The following CLVS1 variants were observed in gnomAD, a reference collection of about 807,000 sequenced individuals.
The protein encoded by CLVS1 is clavesin 1, also known as clavesin-1.
CLVS1 carries 10 observed loss-of-function variants against 33.1 expected under a neutral mutation model. That is an observed-to-expected ratio of 0.30 (90% CI 0.19 to 0.51). The LOEUF (loss-of-function observed/expected upper bound fraction) is 0.51. Ranked by LOEUF, CLVS1 falls within the 20% of genes least tolerant of loss-of-function variation. CLVS1 has a pLI of 0.97. For missense variants in CLVS1, 343 were observed against 433.4 expected, an observed-to-expected ratio of 0.79 and a Z score of 1.85; for synonymous variants, 163 against 166.1, an observed-to-expected ratio of 0.98 and a Z score of 0.14.
chr8:61,066,489 C>A (rs1173423056), intron 1 of CLVS1, among the ~76,000 whole-genome samples: 2 of 152,058 alleles, frequency 1.3e-5, no homozygotes, highest in African/African-American at 2.4e-5. Context: ...CTGGGCAAGA[C>A]CCTGTCTCAA....
intron 2 of CLVS1, among the ~76,000 whole-genome samples, chr8:61,170,781 T>A (rs556622230): frequency 6.6e-6 from 1 of 152,316 alleles, no homozygotes; most frequent in East Asian, 1.9e-4. Context: ...ATTAAAAGCA[T>A]CATAGCATGA....
At chr8:61,045,104 C>A in the CLVS1 span, among the ~76,000 whole-genome samples, 1 of 152,210 alleles carries the variant, frequency 6.6e-6, no homozygotes, top group Admixed American at 6.5e-5. Context: ...ATGAGCCCAG[C>A]AGCAAGAACT....
chr8:61,470,765 C>A (rs1817707468), intron 5 of CLVS1, among the ~76,000 whole-genome samples: 2 of 152,160 alleles, frequency 1.3e-5, no homozygotes, highest in South Asian at 2.1e-4. Context: ...AGCTTGCATA[C>A]CATGGTTGAA....
rs1810732569 is a variant in CLVS1 at position 61,308,891 on chromosome 8, T to G, written c.455+8609T>G. 3.9e-5 allele frequency among the ~76,000 whole-genome samples: 6 copies of G among 152,346 alleles called. No individual in the cohort carries two copies. The South Asian group carries it at 1.2e-3, about 32-fold the overall frequency. ...ATGCTTTCCCACTAAGTCCTACTTA[T>G]GATCTCATTCCGACCCTGCACTCAG... On this transcript the variant is annotated intron_variant, in intron 2 of 5. Coordinates refer to ENST00000325897, the MANE Select transcript of CLVS1 (RefSeq NM_173519.3).
At chr8:61,178,737 C>T (rs372065803) in intron 2 of CLVS1, among the ~76,000 whole-genome samples, 15 of 152,138 alleles carry the variant, frequency 9.9e-5, no homozygotes, top group East Asian at 1.9e-4. Context: ...ATTTCATATC[C>T]GGACAAACTA....
At chr8:61,178,792 T>C (rs775902750) in intron 2 of CLVS1, among the ~76,000 whole-genome samples, 21 of 151,998 alleles carry the variant, frequency 1.4e-4, no homozygotes, top group Non-Finnish European at 2.2e-4. Context: ...GACAAGCAAA[T>C]GCTGAGGGAT....
At chr8:61,019,224 A>G in the CLVS1 span, among the ~76,000 whole-genome samples, 1 of 152,214 alleles carries the variant, frequency 6.6e-6, no homozygotes, top group African/African-American at 2.4e-5. Context: ...CTCCCATCGT[A>G]AAGATTCAGG....
intron 1 of CLVS1, among the ~76,000 whole-genome samples, chr8:61,119,945 C>T (rs1238784402): frequency 2.8e-5 from 4 of 140,930 alleles, no homozygotes; most frequent in African/African-American, 5.5e-5. Context: ...GGAAGTTCTC[C>T]TGGATAATAT....
At chr8:61,422,459 A>G (rs10216566) in intron 3 of CLVS1, among the ~76,000 whole-genome samples, 3,656 of 152,332 alleles carry the variant, frequency 0.024, 158 homozygotes, top group African/African-American at 0.084. Flanking sequence ...GTCCGTGCAC[A>G]AAGAAGAGAA....
chr8:60,976,233 A>G, the CLVS1 span, among the ~76,000 whole-genome samples: 1 of 152,198 alleles, frequency 6.6e-6, no homozygotes, highest in Non-Finnish European at 1.5e-5. Context: ...GGGTTGTTTA[A>G]TCCCTGATGA....
intron 2 of CLVS1, among the ~76,000 whole-genome samples, chr8:61,349,865 G>GTT (rs1210474857): frequency 6.6e-6 from 1 of 152,090 alleles, no homozygotes; most frequent in Non-Finnish European, 1.5e-5. Flanking sequence ...CAAACACAGT[G>GTT]TAAGTGTGCA....
At chr8:61,481,423 G>A (rs1159116672) in intron 5 of CLVS1, among the ~76,000 whole-genome samples, 1 of 152,186 alleles carries the variant, frequency 6.6e-6, no homozygotes, top group Non-Finnish European at 1.5e-5. Flanking sequence ...GGAAGCGCAA[G>A]GGGTCAGAGG....
intron 1 of CLVS1, among the ~76,000 whole-genome samples, chr8:61,058,641 A>G (rs1804523302): frequency 6.6e-6 from 1 of 152,176 alleles, no homozygotes; most frequent in South Asian, 2.1e-4. Flanking sequence ...TACTGTCAAG[A>G]TAGTGAATAT....
At chr8:61,075,022 C>T (rs1032133623) in intron 1 of CLVS1, among the ~76,000 whole-genome samples, 2 of 152,018 alleles carry the variant, frequency 1.3e-5, no homozygotes, top group African/African-American at 2.4e-5. Flanking sequence ...TCCTGTTGTT[C>T]AGGCGGGCAT....
At chr8:61,268,022 T>TA (rs111565352) in intron 2 of CLVS1, among the ~76,000 whole-genome samples, 39 of 151,792 alleles carry the variant, frequency 2.6e-4, no homozygotes, top group African/African-American at 7.0e-4. Flanking sequence ...CTTTTTTTTT[T>TA]ATTTTTATTA....
intron 2 of CLVS1, among the ~76,000 whole-genome samples, chr8:61,251,767 T>C (rs1374952584): frequency 1.3e-5 from 2 of 152,192 alleles, no homozygotes; most frequent in Non-Finnish European, 1.5e-5. Context: ...ATATCCCCTA[T>C]ATAATTTTTT....
chr8:61,185,143 G>GCTTTTTTTT (rs376138569), intron 2 of CLVS1, among the ~76,000 whole-genome samples: 2 of 143,764 alleles, frequency 1.4e-5, no homozygotes. Flanking sequence ...AGAGAGTATA[G>GCTTTTTTTT]TTTTTGTTTT....
intron 1 of CLVS1, among the ~76,000 whole-genome samples, chr8:61,105,653 A>G (rs1805520141): frequency 6.6e-6 from 1 of 152,222 alleles, no homozygotes; most frequent in African/African-American, 2.4e-5. Flanking sequence ...TCATTTGTAA[A>G]TAAGTAAATT....
chr8:61,009,515 ACTTG>A, the CLVS1 span, among the ~76,000 whole-genome samples: 1 of 141,018 alleles, frequency 7.1e-6, no homozygotes, highest in Non-Finnish European at 1.5e-5. Context: ...GTTTATATAT[ACTTG>A]CTTATTAATG....
Sources: allele counts gnomAD v4.1 joint callset (sites outside exome capture counted in the v4.1 genomes callset), GRCh38; gene constraint gnomAD v4.1.1; transcripts MANE v1.5; gene names NCBI Gene and HGNC (gene_info 2026-07-23, HGNC 2026-07-21).